Variants in ZDHHC14 observed in about 807,000 individuals in gnomAD.
ZDHHC14 encodes the protein zDHHC palmitoyltransferase 14, also known as palmitoyltransferase ZDHHC14.
ZDHHC14 carries 16 observed loss-of-function variants against 47.7 expected under a neutral mutation model. That is an observed-to-expected ratio of 0.34 (90% CI 0.23 to 0.51). The LOEUF (loss-of-function observed/expected upper bound fraction) is 0.51. ZDHHC14 is among the 20% of genes least tolerant of loss of function. The pLI is 0.97. For synonymous variants in ZDHHC14, 293 were observed against 278.9 expected (o/e 1.05, Z -0.50); for missense variants, 515 against 662.5 (o/e 0.78, Z 2.44).
chr6:157,401,260 A>G (rs150602915), intron 1 of ZDHHC14, among the ~76,000 whole-genome samples: 1,772 of 152,352 alleles, frequency 0.012, 15 homozygotes, highest in Non-Finnish European at 0.016. Context: ...TTTTAGAAGC[A>G]TAAAAATATG....
chr6:157,407,094 T>C (rs546101157), intron 1 of ZDHHC14, among the ~76,000 whole-genome samples: 37 of 152,376 alleles, frequency 2.4e-4, no homozygotes, highest in African/African-American at 8.9e-4. Flanking sequence ...TACGTCTCAC[T>C]AGTCCTTACA....
intron 2 of ZDHHC14, among the ~76,000 whole-genome samples, chr6:157,565,494 C>T (rs886099931): frequency 6.6e-6 from 1 of 151,978 alleles, no homozygotes; most frequent in Non-Finnish European, 1.5e-5. Flanking sequence ...ATTGAAGAGC[C>T]CAAACCAAAG....
At chr6:157,537,978 A>G (rs1055629986) in intron 1 of ZDHHC14, among the ~76,000 whole-genome samples, 2 of 152,224 alleles carry the variant, frequency 1.3e-5, no homozygotes, top group Admixed American at 6.5e-5. Context: ...TACCACAAGG[A>G]CTACAGATGC....
chr6:157,653,449 G>A (rs533823818), intron 7 of ZDHHC14, 76 bp from the exon 8 acceptor site: 198 of 1,517,546 alleles, frequency 1.3e-4, no homozygotes, highest in African/African-American at 1.1e-3. Context: ...GCCCCGACGC[G>A]GAACCTGAGA....
chr6:157,643,105 C>T (rs1005546557), intron 5 of ZDHHC14, among the ~76,000 whole-genome samples: 2 of 152,186 alleles, frequency 1.3e-5, no homozygotes, highest in African/African-American at 2.4e-5. Context: ...GGGAGTCATG[C>T]TTCTCCCTGG....
At chr6:157,563,880 G>A (rs1294322693) in intron 2 of ZDHHC14, among the ~76,000 whole-genome samples, 1 of 152,208 alleles carries the variant, frequency 6.6e-6, no homozygotes, top group African/African-American at 2.4e-5. Context: ...AGTGTGCTCT[G>A]GTGGGCTCAT....
At chr6:157,519,015 G>T (rs978978454) in intron 1 of ZDHHC14, among the ~76,000 whole-genome samples, 2 of 152,148 alleles carry the variant, frequency 1.3e-5, no homozygotes, top group African/African-American at 4.8e-5. Flanking sequence ...GTATCCTTAC[G>T]CCTCTGCCAT....
At chr6:157,617,013 C>T (rs998480439) in intron 3 of ZDHHC14, among the ~76,000 whole-genome samples, 4 of 152,064 alleles carry the variant, frequency 2.6e-5, no homozygotes, top group Non-Finnish European at 5.9e-5. Context: ...CTTTTAGAGG[C>T]GGAAAGCCAA....
rs143493421 is a variant in ZDHHC14, at chr6:157,419,253, T to C, written c.245+36987T>C. 6.4e-4 allele frequency among the ~76,000 whole-genome samples: 98 copies of C among 152,368 alleles called. No individual in the cohort carries two copies. In the East Asian group the frequency reaches 0.017, roughly 27 times the overall value. The stretch of plus-strand genomic sequence containing the variant: ...ATTGATTCATGATTATTAACTAAAG[T>C]CTACAGTTTAGGGTTTACTCTTTGT... On this transcript the variant is annotated intron_variant, in intron 1 of 8. Transcript: ENST00000359775.
chr6:157,639,365 C>T (rs1225921458), intron 5 of ZDHHC14, among the ~76,000 whole-genome samples: 2 of 152,190 alleles, frequency 1.3e-5, no homozygotes, highest in East Asian at 1.9e-4. Context: ...AATGCAGTGG[C>T]GAGACCTCGG....
At chr6:157,477,030 A>C (rs1490683538) in intron 1 of ZDHHC14, among the ~76,000 whole-genome samples, 4 of 152,224 alleles carry the variant, frequency 2.6e-5, no homozygotes, top group African/African-American at 9.6e-5. Context: ...TTTTCAACAT[A>C]GTACTGGAAG....
chr6:157,564,879 G>A (rs774437596), intron 2 of ZDHHC14, among the ~76,000 whole-genome samples: 7 of 152,210 alleles, frequency 4.6e-5, no homozygotes, highest in Non-Finnish European at 8.8e-5. Flanking sequence ...TACGGGGCAG[G>A]AGGGGTGAAA....
intron 8 of ZDHHC14, 37 bp downstream of exon 8, chr6:157,653,664 C>T: frequency 6.3e-7 from 1 of 1,594,216 alleles, no homozygotes. Context: ...CGAGGGCTTC[C>T]CTTTTGCTTG....
At chr6:157,559,000 T>C (rs937521142) in intron 2 of ZDHHC14, among the ~76,000 whole-genome samples, 2 of 152,130 alleles carry the variant, frequency 1.3e-5, no homozygotes, top group Admixed American at 6.5e-5. Flanking sequence ...TTCCCAACTC[T>C]TACAGCTCAA....
intron 5 of ZDHHC14, among the ~76,000 whole-genome samples, chr6:157,642,180 C>T (rs139850440): frequency 4.3e-4 from 66 of 152,296 alleles, no homozygotes; most frequent in South Asian, 1.0e-3. Context: ...TTCTGGAATC[C>T]GGGAATTCTG....
At chr6:157,490,103 G>A (rs1213945140) in intron 1 of ZDHHC14, among the ~76,000 whole-genome samples, 4 of 152,184 alleles carry the variant, frequency 2.6e-5, no homozygotes, top group African/African-American at 7.2e-5. Context: ...TTTCTAGATA[G>A]AGAAACACGG....
At chr6:157,503,129 T>C (rs945670624) in intron 1 of ZDHHC14, among the ~76,000 whole-genome samples, 1 of 152,250 alleles carries the variant, frequency 6.6e-6, no homozygotes, top group Admixed American at 6.5e-5. Context: ...AGGCTCCATG[T>C]TGGTCTGTGT....
At chr6:157,471,634 A>T (rs1296248914) in intron 1 of ZDHHC14, among the ~76,000 whole-genome samples, 1 of 152,240 alleles carries the variant, frequency 6.6e-6, no homozygotes, top group Non-Finnish European at 1.5e-5. Context: ...CCTTTGTAAG[A>T]AAACCAAACC....
At chr6:157,664,339 T>G (rs1329318649) in intron 8 of ZDHHC14, among the ~76,000 whole-genome samples, 4 of 152,256 alleles carry the variant, frequency 2.6e-5, no homozygotes, top group African/African-American at 4.8e-5. Context: ...CATTTCTTTG[T>G]ATGTCTATTA....
Sources: allele counts gnomAD v4.1 joint callset (sites outside exome capture counted in the v4.1 genomes callset), GRCh38; gene constraint gnomAD v4.1.1; transcripts MANE v1.5; gene names NCBI Gene and HGNC (gene_info 2026-07-23, HGNC 2026-07-21).